The following RIF1 variants were observed in gnomAD, a reference collection of about 807,000 sequenced individuals.
RIF1 encodes the protein telomere-associated protein RIF1.
A neutral mutation model predicts 247.1 loss-of-function variants in RIF1; 45 were observed. The ratio of observed to expected loss-of-function variants is 0.18; its 90% CI spans 0.14 to 0.23. The LOEUF is 0.23. RIF1 is among the 10% of genes least tolerant of loss of function. RIF1 has a pLI of 1.00. For missense variants in RIF1, 2,967 were observed against 2,862.5 expected (o/e 1.04, Z -0.83); for synonymous variants, 1,087 against 978.8 (o/e 1.11, Z -2.06).
intron 33 of RIF1, 124 bp from the exon 34 acceptor site, chr2:151,469,587 C>G: frequency 1.5e-6 from 1 of 674,112 alleles, no homozygotes; most frequent in Non-Finnish European, 2.2e-6. Context: ...ATGTGCCTGT[C>G]TTCACTGTGG....
At position 151,490,507 on chromosome 2, in the gene RIF1, G is replaced by A. The variant is rs371600800; in HGVS notation, c.*416-4722G>A. 1.9e-5 allele frequency: 31 copies of A among 1,608,650 alleles called. No individual in the cohort carries two copies. The highest frequency in any genetic ancestry group is 1.3e-4 in the South Asian group (12 of 89,520). ...GATCGTGACTGCTCCCGGCTCCGGC[G>A]CTGAGCTTGGACTGGGAGAGATGCA... On this transcript the variant is annotated intron_variant and NMD_transcript_variant, in intron 9 of 13. Coordinates refer to the RIF1 transcript ENST00000454583.
chr2:151,457,841 A>G lies in RIF1; in HGVS notation c.2733A>G (p.Gln911=), dbSNP rs200710489. Residue 911 remains glutamine (Q), a synonymous_variant, in exon 24 of 36, where the codon CAA becomes CAG. Coordinates refer to ENST00000444746, the MANE Select transcript of RIF1 (RefSeq NM_018151.5). ...CTTATGATAGTGAACTTCTTGAACA[A>G]CTCTCCCCACTATTATGCATAATAT... ...TGTYDSELLE[Q]LSPLLCIIFL... is the part of the protein sequence containing the mutation. 41 of 1,613,558 alleles carry G rather than the reference A, an allele frequency of 2.5e-5. No homozygotes were observed. Among genetic ancestry groups the G allele is most frequent in the East Asian group, 4.5e-5 (2 of 44,800 alleles).
At chr2:151,444,112 A>G (rs538927479) in intron 18 of RIF1, among the ~76,000 whole-genome samples, 32 of 152,328 alleles carry the variant, frequency 2.1e-4, no homozygotes, top group African/African-American at 7.5e-4. Context: ...GAATCTATTG[A>G]GAGTTGAATA....
chr2:151,445,571 C>T (rs992077854), intron 19 of RIF1, 126 bp downstream of exon 19: 3 of 650,366 alleles, frequency 4.6e-6, no homozygotes, highest in Non-Finnish European at 8.1e-6. Context: ...TTTTTTGAGA[C>T]AGTCTCACAT....
At chr2:151,428,548 T>C (rs1027909461) in intron 8 of RIF1, among the ~76,000 whole-genome samples, 4 of 152,206 alleles carry the variant, frequency 2.6e-5, no homozygotes, top group Non-Finnish European at 5.9e-5. Flanking sequence ...TTTATATATT[T>C]TGTGATCTTG....
Position 151,465,725 on chromosome 2 carries a change from G to T in RIF1, c.6205G>T (p.Asp2069Tyr). The T allele has an allele frequency of 6.2e-7, 1 of 1,614,096 alleles. No individual in the cohort carries two copies. Reference protein sequence around the residue: ...LTAEMDNFVCDTVEMSTEEGI... With the variant: ...LTAEMDNFVCYTVEMSTEEGI... ...TGCAGAAATGGACAACTTTGTTTGT[G>T]ACACAGTTGAAATGAGCACTGAAGA... The change falls in exon 30 of 36, where the codon GAC becomes TAC. Residue 2069 changes from aspartate to tyrosine, a missense_variant. This residue lies in a region of RIF1 where 2,028 missense variants were observed against 1,825.6 expected (regional missense o/e 1.11). Transcript: ENST00000444746.
intron 9 of RIF1, among the ~76,000 whole-genome samples, chr2:151,432,144 T>G (rs963635714): frequency 6.6e-6 from 1 of 152,040 alleles, no homozygotes; most frequent in African/African-American, 2.4e-5. Flanking sequence ...GAGTAGCTGG[T>G]ATTACAGGAG....
At chr2:151,470,900 G>GT (rs954636055) in intron 34 of RIF1, among the ~76,000 whole-genome samples, 4 of 151,830 alleles carry the variant, frequency 2.6e-5, no homozygotes, top group African/African-American at 7.3e-5. Context: ...TGAGAATTAG[G>GT]TTTTTTTTAA....
chr2:151,439,202 A>G (rs1344424150), intron 14 of RIF1, among the ~76,000 whole-genome samples: 2 of 152,164 alleles, frequency 1.3e-5, no homozygotes, highest in Non-Finnish European at 2.9e-5. Context: ...AGGGAAGAGG[A>G]GGGGTGGAAC....
chr2:151,429,863 G>A (rs574286860), intron 9 of RIF1, among the ~76,000 whole-genome samples: 310 of 152,246 alleles, frequency 2.0e-3, no homozygotes, highest in African/African-American at 7.2e-3. Flanking sequence ...TAACTAGGTG[G>A]TAGTTAATCT....
chr2:151,525,412 C>T, the RIF1 span: 2 of 639,902 alleles, frequency 3.1e-6, no homozygotes, highest in Admixed American at 2.7e-5. Flanking sequence ...GACCCATATT[C>T]TAGTTCTTCT....
At chr2:151,491,862 A>G (rs1408844024) in intron 9 of RIF1, 2 of 1,141,046 alleles carry the variant, frequency 1.8e-6, no homozygotes, top group Non-Finnish European at 2.5e-6. Flanking sequence ...ACAACCACCA[A>G]AGGATTGAAT....
intron 10 of RIF1, chr2:151,497,198 A>C: frequency 1.3e-6 from 1 of 743,386 alleles, no homozygotes; most frequent in Non-Finnish European, 1.6e-6. Flanking sequence ...CTTTAGTGGA[A>C]GTTGTTGGGA....
At chr2:151,514,968 C>A in the RIF1 span, 5 of 1,303,564 alleles carry the variant, frequency 3.8e-6, no homozygotes, top group Admixed American at 4.1e-5. Context: ...AAAAAAAAAT[C>A]TTTATTACAA....
the RIF1 span, chr2:151,518,485 C>T: frequency 9.6e-7 from 1 of 1,039,582 alleles, no homozygotes; most frequent in South Asian, 1.3e-5. Context: ...CCTATTTTTC[C>T]TCTTTAGATT....
chr2:151,498,147 A>G (rs2061596310), intron 10 of RIF1: 1 of 1,530,336 alleles, frequency 6.5e-7, no homozygotes, highest in East Asian at 2.5e-5. Flanking sequence ...TTGTAATATA[A>G]GATGTATTAG....
chr2:151,507,865 G>A, exon 14 of RIF1: 1 of 640,308 alleles, frequency 1.6e-6, no homozygotes. Flanking sequence ...GAGATGAATT[G>A]GGCACACATT....
chr2:151,441,578 C>G (rs1692298998), intron 15 of RIF1, among the ~76,000 whole-genome samples: 3 of 152,162 alleles, frequency 2.0e-5, no homozygotes, highest in Non-Finnish European at 4.4e-5. Flanking sequence ...GTATAACTGG[C>G]TGCCCAAGAA....
At position 151,464,570 on chromosome 2, in the gene RIF1, C is replaced by T. The variant is rs1433288294; in HGVS notation, c.5050C>T (p.His1684Tyr). Residue 1684 changes from histidine (H) to tyrosine (Y), a missense_variant, in exon 30 of 36, where the codon CAT (histidine) becomes TAT (tyrosine). This residue lies in a region of RIF1 where 2,028 missense variants were observed against 1,825.6 expected (regional missense o/e 1.11). Transcript: ENST00000444746. ...GACTAGAAATGCCATTAAGAGATTA[C>T]ATAAGCGAGACTCTTTTGATAATTG... Reference protein sequence around the residue: ...LRTRNAIKRLHKRDSFDNCSL... With the variant: ...LRTRNAIKRLYKRDSFDNCSL... The T allele has an allele frequency of 4.3e-6, 7 of 1,613,286 alleles. No individual in the cohort carries two copies. In the Admixed American group the frequency reaches 6.7e-5, roughly 15 times the overall value.
Sources: gnomAD v4.1 joint callset for allele counts (sites outside exome capture counted in the v4.1 genomes callset) on GRCh38, gnomAD v4.1.1 for gene constraint, gnomAD v4.1.1 regional missense constraint, MANE v1.5 for transcripts, NCBI Gene and HGNC (gene_info 2026-07-23, HGNC 2026-07-21) for gene names.